The following KIF13A variants were observed in gnomAD, a reference collection of about 807,000 sequenced individuals.
KIF13A encodes the protein kinesin family member 13A.
A neutral mutation model predicts 212.2 loss-of-function variants in KIF13A; 79 were observed. The observed-to-expected ratio is 0.37, with a 90% CI of 0.31 to 0.45. KIF13A has a LOEUF of 0.45. Among genes scored for constraint, KIF13A ranks in the 20% least tolerant of loss-of-function variants. KIF13A has a pLI of 1.00. For synonymous variants in KIF13A, 789 were observed against 808.6 expected, an observed-to-expected ratio of 0.98 and a Z score of 0.41; for missense variants, 1,901 against 2,209.0, an observed-to-expected ratio of 0.86 and a Z score of 2.79.
At chr6:17,863,507 G>A (rs1422144692) in intron 4 of KIF13A, among the ~76,000 whole-genome samples, 2 of 151,816 alleles carry the variant, frequency 1.3e-5, no homozygotes, top group African/African-American at 4.8e-5. Context: ...TTTCAGCTGT[G>A]TGAACTCGTG....
intron 18 of KIF13A, among the ~76,000 whole-genome samples, chr6:17,806,688 T>C (rs934250792): frequency 6.6e-6 from 1 of 152,166 alleles, no homozygotes; most frequent in Non-Finnish European, 1.5e-5. Context: ...GAGACCAGCC[T>C]CACTAACATG....
chr6:17,793,597 T>C (rs1393121237), intron 25 of KIF13A, among the ~76,000 whole-genome samples: 4 of 152,092 alleles, frequency 2.6e-5, no homozygotes, highest in South Asian at 2.1e-4. Context: ...ATTATGACAG[T>C]GTATGAAAAT....
At chr6:17,937,755 T>TTG (rs1554118970) in intron 2 of KIF13A, among the ~76,000 whole-genome samples, 1 of 137,234 alleles carries the variant, frequency 7.3e-6, no homozygotes. Flanking sequence ...TGTTTTTTTT[T>TTG]TTTTGTTTTT....
chr6:17,836,621 T>C (rs893702131), intron 11 of KIF13A, among the ~76,000 whole-genome samples: 1 of 152,198 alleles, frequency 6.6e-6, no homozygotes, highest in Non-Finnish European at 1.5e-5. Flanking sequence ...GGGGGTTTAA[T>C]TGGCTCATGG....
At chr6:17,952,564 G>A (rs1777954506) in intron 2 of KIF13A, among the ~76,000 whole-genome samples, 1 of 151,802 alleles carries the variant, frequency 6.6e-6, no homozygotes, top group African/African-American at 2.4e-5. Flanking sequence ...TTGAGCCCAG[G>A]AGTTTGAGGC....
intron 2 of KIF13A, among the ~76,000 whole-genome samples, chr6:17,917,323 C>T (rs1050972276): frequency 6.7e-6 from 1 of 150,022 alleles, no homozygotes; most frequent in Non-Finnish European, 1.5e-5. Context: ...TCACTGCAAC[C>T]TCTGCCTCCT....
chr6:17,783,156 A>G lies in KIF13A; in HGVS notation c.3544+490T>C, dbSNP rs1351167961. ...TTTTCTACACATGGGGTTCCAGTTAATATTTCGTTTAGAAAAGGATTGTTC... is the reference window on the plus strand; with the variant it reads ...TTTTCTACACATGGGGTTCCAGTTAGTATTTCGTTTAGAAAAGGATTGTTC... On this transcript the variant is annotated intron_variant, in intron 29 of 38. Transcript: ENST00000259711. The surrounding 1 kb of genome is among the most constrained non-coding windows in gnomAD (Gnocchi z 4.3). Among the ~76,000 whole-genome samples, 1 of 152,240 alleles carries G rather than the reference A, an allele frequency of 6.6e-6. No homozygotes were observed. The highest frequency in any genetic ancestry group is 1.5e-5 in the Non-Finnish European group (1 of 68,042).
rs1216654545 is a variant in KIF13A at position 17,919,378 on chromosome 6, T to C, written c.147-21198A>G. 6.6e-6 allele frequency among the ~76,000 whole-genome samples: 1 copy of C among 152,190 alleles called. No homozygotes were observed. Among genetic ancestry groups the C allele is most frequent in the Non-Finnish European group, 1.5e-5 (1 of 68,046 alleles). ...AAGACCATTGAGAGAATTTCAAAAG[T>C]TATATTAATGTCTGATCCAACATGG... On this transcript the variant is annotated intron_variant, in intron 2 of 38. Coordinates refer to ENST00000259711, the MANE Select transcript of KIF13A (RefSeq NM_022113.6). The surrounding 1 kb of genome is among the most constrained non-coding windows in gnomAD (Gnocchi z 4.1).
rs1422223423 is a variant in KIF13A, at chr6:17,912,435, G to A, written c.147-14255C>T. 6.6e-6 allele frequency among the ~76,000 whole-genome samples: 1 copy of A among 152,176 alleles called. No homozygotes were observed. Among genetic ancestry groups the A allele is most frequent in the Non-Finnish European group, 1.5e-5 (1 of 68,026 alleles). Reference sequence around the variant, plus strand: ...CAGCCTGCCTGACCTTCCGTAGGACGCAGGTTTGAATCAGACACCTATACT... The same window carrying A: ...CAGCCTGCCTGACCTTCCGTAGGACACAGGTTTGAATCAGACACCTATACT... On this transcript the variant is annotated intron_variant, in intron 2 of 38. Transcript: ENST00000259711. The surrounding 1 kb of genome is among the most constrained non-coding windows in gnomAD (Gnocchi z 4.2).
At chr6:17,970,523 C>T (rs756032800) in intron 2 of KIF13A, among the ~76,000 whole-genome samples, 17 of 152,282 alleles carry the variant, frequency 1.1e-4, no homozygotes, top group South Asian at 1.0e-3. Flanking sequence ...GATTTCAGAT[C>T]GCTTACATGC....
chr6:17,807,256 T>C (rs1165215268), intron 18 of KIF13A, among the ~76,000 whole-genome samples: 1 of 152,170 alleles, frequency 6.6e-6, no homozygotes, highest in East Asian at 1.9e-4. Flanking sequence ...ATTTTTCTTC[T>C]TGCAGAGAGC....
chr6:17,862,431 A>G (rs1768888337), intron 4 of KIF13A, among the ~76,000 whole-genome samples: 1 of 152,226 alleles, frequency 6.6e-6, no homozygotes, highest in Non-Finnish European at 1.5e-5. Context: ...ACTGCAAAGA[A>G]AAATTATCTA....
At chr6:17,944,654 A>C (rs1156858493) in intron 2 of KIF13A, among the ~76,000 whole-genome samples, 2 of 152,166 alleles carry the variant, frequency 1.3e-5, no homozygotes, top group Admixed American at 1.3e-4. Flanking sequence ...AAACAGAAAC[A>C]AAAAACACGT....
intron 4 of KIF13A, among the ~76,000 whole-genome samples, chr6:17,860,599 C>A (rs575194162): frequency 1.3e-5 from 2 of 151,976 alleles, no homozygotes; most frequent in Non-Finnish European, 2.9e-5. Flanking sequence ...CTGAATTATT[C>A]CTGTGTTGAT....
intron 4 of KIF13A, among the ~76,000 whole-genome samples, chr6:17,866,828 C>CATATATATATATAT (rs60217235): frequency 4.4e-5 from 1 of 22,932 alleles, no homozygotes; most frequent in Non-Finnish European, 8.9e-5. Context: ...AAAAGCAGCG[C>CATATATATATATAT]ATATATATAT....
chr6:17,905,006 C>A (rs1317191961), intron 2 of KIF13A, among the ~76,000 whole-genome samples: 1 of 152,242 alleles, frequency 6.6e-6, no homozygotes, highest in African/African-American at 2.4e-5. Context: ...TCATCGAAAT[C>A]TTCTAAGTCA....
intron 2 of KIF13A, among the ~76,000 whole-genome samples, chr6:17,909,339 C>A (rs998064477): frequency 1.3e-5 from 2 of 151,972 alleles, no homozygotes; most frequent in Non-Finnish European, 2.9e-5. Context: ...AGTTTGAGAC[C>A]AGCCTGGCCA....
intron 6 of KIF13A, among the ~76,000 whole-genome samples, chr6:17,853,424 G>A (rs1264343049): frequency 6.6e-6 from 1 of 152,138 alleles, no homozygotes; most frequent in Non-Finnish European, 1.5e-5. Context: ...AACCACTTTG[G>A]ATAACAGTTT....
chr6:17,781,320 C>T lies in KIF13A; in HGVS notation c.3545-19G>A, dbSNP rs1198853149. 1.9e-6 allele frequency: 3 copies of T among 1,540,486 alleles called. No individual in the cohort carries two copies. Among genetic ancestry groups the T allele is most frequent in the Non-Finnish European group, 2.6e-6 (3 of 1,148,474 alleles). ...TCATCCGCTAACCACATCAGGAGCA[C>T]AGAAAAAACAGTAGGGGAAAGTCAG... On this transcript the variant is annotated intron_variant, in intron 29 of 38. Transcript: ENST00000259711.
Sources: allele counts gnomAD v4.1 joint callset (sites outside exome capture counted in the v4.1 genomes callset), GRCh38; gene constraint gnomAD v4.1.1; non-coding constraint Gnocchi (gnomAD v3.1); transcripts MANE v1.5; gene names NCBI Gene and HGNC (gene_info 2026-07-23, HGNC 2026-07-21).